KXD1: variants seen among roughly 807,000 people sequenced by gnomAD.
KXD1 encodes the protein KxDL motif containing 1, also known as kxDL motif-containing protein 1.
KXD1 carries 5 observed loss-of-function variants against 12.1 expected under a neutral mutation model. The ratio of observed to expected loss-of-function variants is 0.41; its 90% CI spans 0.22 to 0.87. The LOEUF (loss-of-function observed/expected upper bound fraction) is 0.87, where lower values mean the gene tolerates loss of function less well. Ranked by LOEUF, KXD1 falls within the 40% of genes least tolerant of loss-of-function variation. The pLI is 0.31. For missense variants in KXD1, 193 were observed against 244.9 expected (o/e 0.79, Z 1.41); for synonymous variants, 98 against 100.5 (o/e 0.98, Z 0.15).
chr19:18,562,303 T>C (rs1418337024), intron 2 of KXD1, 146 bp downstream of exon 2: 1 of 617,258 alleles, frequency 1.6e-6, no homozygotes, highest in Non-Finnish European at 2.8e-6. Flanking sequence ...AGTAAATTCC[T>C]TCCCGGCCTG....
At chr19:18,564,829 A>T (rs1204570248) in intron 2 of KXD1, 40 bp from the exon 3 acceptor site, 1 of 1,610,018 alleles carries the variant, frequency 6.2e-7, no homozygotes, top group East Asian at 2.2e-5. Context: ...CAGGGCCCTG[A>T]AGCTGGGCAG....
chr19:18,562,155 C>T lies in KXD1; in HGVS notation c.99C>T (p.Asn33=), dbSNP rs1425831713. 6.2e-7 allele frequency: 1 copy of T among 1,602,570 alleles called. No homozygotes were observed. Residue 33 remains asparagine, a splice_region_variant and synonymous_variant, in exon 2 of 5, where the codon AAC becomes AAT. Transcript: ENST00000222307. Reference sequence around the variant, plus strand: ...ACGCCATCATCCTGGCCCAGAAGAACATGTGAGTGGCGGCTGGGGGACCTG... The same window carrying T: ...ACGCCATCATCCTGGCCCAGAAGAATATGTGAGTGGCGGCTGGGGGACCTG... ...DVNAIILAQK[N]MLDRFEKTNE...
chr19:18,560,927 G>A (rs8111568), intron 1 of KXD1, among the ~76,000 whole-genome samples: 21,175 of 151,764 alleles, frequency 0.14, 3,749 homozygotes, highest in African/African-American at 0.42. Flanking sequence ...GGCTGGTCTC[G>A]AACTCCTGAC....
In KXD1 at chr19:18,561,936, C is replaced by T. The variant is rs2074854; in HGVS notation, c.-21-100C>T. 1,625 of 662,272 alleles carry T rather than the reference C, an allele frequency of 2.5e-3. 42 individuals are homozygous for T. In the East Asian group the frequency reaches 0.046, roughly 19 times the overall value. The allele number at this position is 662,272 out of a possible 1,614,324, so 41.0% of individuals were successfully genotyped here. ...ACATCCCCACTGTAGGATACCACCA[C>T]GGTTGGGTTAGGTTCCAGCACATGG... On this transcript the variant is annotated intron_variant, in intron 1 of 4. Transcript: ENST00000222307.
chr19:18,563,628 C>G (rs1000428428), intron 2 of KXD1, among the ~76,000 whole-genome samples: 29 of 152,128 alleles, frequency 1.9e-4, no homozygotes, highest in African/African-American at 6.5e-4. Flanking sequence ...CTCAGCCTTC[C>G]AAGTAGCTGG....
At position 18,562,298 on chromosome 19, in the gene KXD1, AT is replaced by A. The variant is rs926573075; in HGVS notation, c.101+143del. The A allele has an allele frequency of 6.1e-6, 4 of 655,822 alleles. No individual in the cohort carries two copies. In the African/African-American group the frequency reaches 7.5e-5, roughly 12 times the overall value. The allele number at this position is 655,822 out of a possible 1,614,324, so 40.6% of individuals were successfully genotyped here. On this transcript the variant is annotated intron_variant, in intron 2 of 4. Transcript: ENST00000222307. ...AAATCTGTCGCTGGCTCCAAAGTAA[AT>A]TCCTTCCCGGCCTGGAGGCGAGGCC...
At chr19:18,564,785 G>C (rs1421169161) in intron 2 of KXD1, 84 bp from the exon 3 acceptor site, 3 of 1,492,396 alleles carry the variant, frequency 2.0e-6, no homozygotes, top group Non-Finnish European at 2.8e-6. Context: ...GCAGGCAAGG[G>C]CTTGGCATGA....
intron 3 of KXD1, among the ~76,000 whole-genome samples, chr19:18,565,468 G>A (rs576867938): frequency 6.8e-4 from 104 of 152,182 alleles, no homozygotes; most frequent in South Asian, 1.4e-3. Flanking sequence ...TCCTGACCTC[G>A]TGATCCAGCC....
chr19:18,566,515 G>A (rs1172578525), intron 3 of KXD1, among the ~76,000 whole-genome samples: 2 of 151,956 alleles, frequency 1.3e-5, no homozygotes, highest in African/African-American at 2.4e-5. Context: ...GAATGGCTGG[G>A]CACAGTGGCT....
chr19:18,560,998 C>T (rs1974898370), intron 1 of KXD1, among the ~76,000 whole-genome samples: 5 of 152,262 alleles, frequency 3.3e-5, no homozygotes, highest in Admixed American at 3.3e-4. Flanking sequence ...AGCCACAGCA[C>T]CTGGCCACCT....
chr19:18,559,984 C>T (rs934634582), intron 1 of KXD1: 1 of 115,506 alleles, frequency 8.7e-6, no homozygotes, highest in Non-Finnish European at 1.7e-5. Flanking sequence ...TCTCTCCCTT[C>T]CTTCCTTCCC....
intron 1 of KXD1, 68 bp from the exon 2 acceptor site, chr19:18,561,968 C>A: frequency 9.7e-7 from 1 of 1,033,196 alleles, no homozygotes; most frequent in East Asian, 2.8e-5. Context: ...ATGGCGGTCC[C>A]GGCCTGGCCT....
chr19:18,567,451 T>C (rs1451227901), intron 4 of KXD1: 2 of 701,052 alleles, frequency 2.9e-6, no homozygotes, highest in East Asian at 2.7e-5. Context: ...CTGTGTGCAT[T>C]ATGAGCCATC....
chr19:18,568,317 C>T, intron 4 of KXD1, 85 bp from the exon 5 acceptor site: 1 of 982,052 alleles, frequency 1.0e-6, no homozygotes, highest in Middle Eastern at 2.1e-4. Flanking sequence ...GTGAGGGCAG[C>T]CGTTAGGGGT....
chr19:18,561,996 T>C lies in KXD1; in HGVS notation c.-21-40T>C, dbSNP rs377590657. ...CCTGGCCTCTTGGTCCCACCTCACCTGGTGACTAGTGCAGACCACTCTGTT... is the reference window on the plus strand; with the variant it reads ...CCTGGCCTCTTGGTCCCACCTCACCCGGTGACTAGTGCAGACCACTCTGTT... On this transcript the variant is annotated intron_variant, in intron 1 of 4. Transcript: ENST00000222307. 2,654 of 1,376,526 alleles carry C rather than the reference T, an allele frequency of 1.9e-3. 68 individuals are homozygous for C. In the South Asian group the frequency reaches 0.033, roughly 17 times the overall value. 85.3% of individuals were successfully genotyped at this position (1,376,526 alleles called of 1,614,324 possible). A position where few individuals can be genotyped will look rare whatever the true frequency, so the allele number is the denominator to read the frequency against.
rs892975417 is a variant in KXD1 at position 18,563,512 on chromosome 19, A to AT, written c.102-1347dup. 1.4e-3 allele frequency among the ~76,000 whole-genome samples: 214 copies of AT among 148,970 alleles called. 1 individual carries two copies. The highest frequency in any genetic ancestry group is 4.9e-3 in the African/African-American group (199 of 40,680). ...AGGCATGCACCACCATGCCTGGCTG[A>AT]TTTTTTTTTTGTGACGGAGTCTCGC... is the stretch of plus-strand genomic sequence containing the variant. On this transcript the variant is annotated intron_variant, in intron 2 of 4. Coordinates refer to ENST00000222307, the MANE Select transcript of KXD1 (RefSeq NM_024069.4).
At chr19:18,564,728 G>C in intron 2 of KXD1, 141 bp from the exon 3 acceptor site, 1 of 912,254 alleles carries the variant, frequency 1.1e-6, no homozygotes, top group Non-Finnish European at 1.7e-6. Context: ...TCAAAGAGTA[G>C]GTAGAACTCT....
Position 18,568,629 on chromosome 19 carries a change from T to C in KXD1, c.529T>C (p.Ter177GlnextTer7), listed in dbSNP as rs376591398. 1.2e-6 allele frequency: 2 copies of C among 1,607,614 alleles called. No individual in the cohort carries two copies. ...QTDDEEMTGE[*>Q] ...AGATGACGAGGAGATGACGGGCGAATAGCCCTGCTGCCCGGTGCCTTGAGG... is the reference window on the plus strand; with the variant it reads ...AGATGACGAGGAGATGACGGGCGAACAGCCCTGCTGCCCGGTGCCTTGAGG... Residue 177 changes from the stop codon to glutamine (Q), a stop_lost, in exon 5 of 5, where the codon TAG becomes CAG. Coordinates refer to ENST00000222307, the MANE Select transcript of KXD1 (RefSeq NM_024069.4).
intron 1 of KXD1, chr19:18,560,690 G>T (rs1232744254): frequency 6.6e-6 from 1 of 151,074 alleles, no homozygotes; most frequent in Non-Finnish European, 1.5e-5. Context: ...TCGGGTTCTG[G>T]TGACAGACAC....
Sources: allele counts gnomAD v4.1 joint callset (sites outside exome capture counted in the v4.1 genomes callset), GRCh38; gene constraint gnomAD v4.1.1; transcripts MANE v1.5; gene names NCBI Gene and HGNC (gene_info 2026-07-23, HGNC 2026-07-21).